The following SYTL2 variants were observed in gnomAD, a reference collection of about 807,000 sequenced individuals.
SYTL2 encodes the protein synaptotagmin like 2, also known as synaptotagmin-like protein 2.
In SYTL2, 165 loss-of-function variants were observed where a neutral mutation model predicts 198.7. That is an observed-to-expected ratio of 0.83 (90% CI 0.73 to 0.94). SYTL2 has a LOEUF of 0.94. SYTL2 is among the 40% of genes least tolerant of loss of function. The pLI, the probability that SYTL2 is intolerant of heterozygous loss-of-function variation, is 0.00. For synonymous variants in SYTL2, 966 were observed against 917.7 expected (o/e 1.05, Z -0.95); for missense variants, 2,835 against 2,582.8 (o/e 1.10, Z -2.12).
chr11:85,788,304 G>A (rs1351843497), intron 1 of SYTL2, among the ~76,000 whole-genome samples: 5 of 152,078 alleles, frequency 3.3e-5, no homozygotes, highest in African/African-American at 1.2e-4. Flanking sequence ...GACTTTGCAC[G>A]CTTTATCTTA....
chr11:85,826,607 G>A, the SYTL2 span, among the ~76,000 whole-genome samples: 3 of 152,252 alleles, frequency 2.0e-5, no homozygotes, highest in South Asian at 6.2e-4. Flanking sequence ...TGGAGGACAA[G>A]GGGCTGGGGA....
chr11:85,758,719 G>A (rs1400626444), intron 1 of SYTL2, among the ~76,000 whole-genome samples: 2 of 152,204 alleles, frequency 1.3e-5, no homozygotes, highest in African/African-American at 4.8e-5. Context: ...TAAACTGGAG[G>A]AAAGGAAGAG....
the SYTL2 span, among the ~76,000 whole-genome samples, chr11:85,830,610 G>C: frequency 6.6e-6 from 1 of 152,138 alleles, no homozygotes; most frequent in African/African-American, 2.4e-5. Context: ...GCCCACAAAG[G>C]GGTGGGAGAA....
intron 3 of SYTL2, among the ~76,000 whole-genome samples, chr11:85,746,326 A>C (rs1252906994): frequency 6.6e-6 from 1 of 152,212 alleles, no homozygotes; most frequent in East Asian, 1.9e-4. Flanking sequence ...CTCAGGTGTC[A>C]GAGCCCCCAT....
the SYTL2 span, among the ~76,000 whole-genome samples, chr11:85,820,477 TA>T: frequency 2.0e-5 from 3 of 152,126 alleles, no homozygotes; most frequent in African/African-American, 7.2e-5. Context: ...TTCCACCCCA[TA>T]GAAGCAGCAT....
intron 1 of SYTL2, among the ~76,000 whole-genome samples, chr11:85,793,951 T>A (rs745940779): frequency 6.6e-6 from 1 of 152,256 alleles, no homozygotes; most frequent in Non-Finnish European, 1.5e-5. Flanking sequence ...TGCTTTGCCA[T>A]CTTTAATGCT....
the SYTL2 span, among the ~76,000 whole-genome samples, chr11:85,833,154 G>GGAAGGAAAGAAA: frequency 3.6e-5 from 2 of 55,686 alleles, no homozygotes; most frequent in Non-Finnish European, 7.2e-5. Flanking sequence ...AAGGAAGGAA[G>GGAAGGAAAGAAA]GAAAGAAAGA....
intron 1 of SYTL2, among the ~76,000 whole-genome samples, chr11:85,761,343 G>C (rs901610025): frequency 6.6e-6 from 1 of 152,140 alleles, no homozygotes; most frequent in Non-Finnish European, 1.5e-5. Flanking sequence ...ACAAAAACGT[G>C]ACAGCGATGA....
chr11:85,800,055 T>C (rs1453034749), intron 1 of SYTL2, among the ~76,000 whole-genome samples: 1 of 152,182 alleles, frequency 6.6e-6, no homozygotes, highest in East Asian at 1.9e-4. Context: ...GCTCACACCC[T>C]TGGTCACTGC....
chr11:85,772,138 G>A (rs78353612), intron 1 of SYTL2, among the ~76,000 whole-genome samples: 379 of 152,116 alleles, frequency 2.5e-3, no homozygotes, highest in African/African-American at 8.2e-3. Context: ...TCCTGAGCTC[G>A]AGCCACTCGC....
At chr11:85,751,461 G>A (rs144113643) in intron 2 of SYTL2, among the ~76,000 whole-genome samples, 1 of 152,258 alleles carries the variant, frequency 6.6e-6, no homozygotes, top group South Asian at 2.1e-4. Flanking sequence ...TAGATGAAGA[G>A]AGAAAGGGGT....
chr11:85,720,131 G>A (rs2088069046), intron 9 of SYTL2, among the ~76,000 whole-genome samples: 1 of 152,088 alleles, frequency 6.6e-6, no homozygotes, highest in African/African-American at 2.4e-5. Flanking sequence ...CTGCCAGTGG[G>A]GAATCGTGTA....
intron 9 of SYTL2, chr11:85,719,371 G>A (rs566018715): frequency 2.7e-5 from 29 of 1,085,036 alleles, no homozygotes; most frequent in South Asian, 2.4e-4. Context: ...GGAAGGGAGC[G>A]TGCAGGAATA....
chr11:85,729,438 A>C (rs993713545), intron 7 of SYTL2, among the ~76,000 whole-genome samples: 2 of 152,198 alleles, frequency 1.3e-5, no homozygotes, highest in Non-Finnish European at 2.9e-5. Context: ...TAAGAAACTC[A>C]CTCAAAACTG....
chr11:85,853,915 GCTCA>G, the SYTL2 span: 1 of 152,148 alleles, frequency 6.6e-6, no homozygotes, highest in Non-Finnish European at 1.5e-5. Flanking sequence ...GGCAGTCTCG[GCTCA>G]CTGAGATCTC....
chr11:85,769,179 T>G (rs2092305421), intron 1 of SYTL2, among the ~76,000 whole-genome samples: 1 of 152,242 alleles, frequency 6.6e-6, no homozygotes, highest in Admixed American at 6.5e-5. Context: ...ACCCACATCC[T>G]AATCCCTGGA....
rs1460105379 is a variant in SYTL2 at position 85,748,415 on chromosome 11, G to C, written c.110C>G (p.Pro37Arg). ...RAEEERVRHL[P>R]EKIKDDQQLK... The stretch of plus-strand genomic sequence containing the variant: ...CTGCTGGTCATCCTTAATTTTTTCA[G>C]GCAAATGTCTACAAAAGGAAAAGAT... The change falls in exon 3 of 20, where the codon CCT becomes CGT. Residue 37 changes from proline (P) to arginine (R), a missense_variant. Transcript: ENST00000359152. 6.2e-7 allele frequency: 1 copy of C among 1,613,610 alleles called. No individual in the cohort carries two copies. Among genetic ancestry groups the C allele is most frequent in the African/African-American group, 1.3e-5 (1 of 74,988 alleles).
intron 16 of SYTL2, among the ~76,000 whole-genome samples, chr11:85,701,962 C>A (rs2084358150): frequency 6.6e-6 from 1 of 152,110 alleles, no homozygotes; most frequent in South Asian, 2.1e-4. Context: ...AAAAGCCTAA[C>A]AGAATGAGAC....
At chr11:85,737,824 A>G (rs1204834122) in intron 4 of SYTL2, among the ~76,000 whole-genome samples, 168 bp from the exon 5 acceptor site, 1 of 152,250 alleles carries the variant, frequency 6.6e-6, no homozygotes, top group African/African-American at 2.4e-5. Flanking sequence ...GGACAGCACC[A>G]GAGTGAGAGT....
Sources: gnomAD v4.1 joint callset for allele counts (sites outside exome capture counted in the v4.1 genomes callset) on GRCh38, gnomAD v4.1.1 for gene constraint, MANE v1.5 for transcripts, NCBI Gene and HGNC (gene_info 2026-07-23, HGNC 2026-07-21) for gene names.